The following SGK3 variants were observed in gnomAD, a reference collection of about 807,000 sequenced individuals.
The protein encoded by SGK3 is serum/glucocorticoid regulated kinase family member 3.
Under a neutral mutation model 68.5 loss-of-function variants are expected in SGK3, and 47 were observed. That is an observed-to-expected ratio of 0.69 (90% CI 0.54 to 0.87). The LOEUF (loss-of-function observed/expected upper bound fraction) is 0.87, where lower values mean the gene tolerates loss of function less well. Ranked by LOEUF, SGK3 falls within the 40% of genes least tolerant of loss-of-function variation. The pLI, the probability that SGK3 is intolerant of heterozygous loss-of-function variation, is 0.00. For missense variants in SGK3, 479 were observed against 575.5 expected, an observed-to-expected ratio of 0.83 and a Z score of 1.72; for synonymous variants, 181 against 189.1, an observed-to-expected ratio of 0.96 and a Z score of 0.35.
intron 5 of SGK3, among the ~76,000 whole-genome samples, chr8:66,817,072 T>C (rs1808617531): frequency 6.6e-6 from 1 of 151,024 alleles, no homozygotes; most frequent in African/African-American, 2.4e-5. Flanking sequence ...TCAGATGATC[T>C]GCCTCCCAAA....
chr8:66,781,674 A>T (rs753621985), intron 1 of SGK3, among the ~76,000 whole-genome samples: 5 of 152,242 alleles, frequency 3.3e-5, no homozygotes, highest in African/African-American at 4.8e-5. Flanking sequence ...TTGTTGGTGC[A>T]CAACACTCTT....
At chr8:66,821,160 G>T (rs888776000) in intron 5 of SGK3, among the ~76,000 whole-genome samples, 17 of 152,012 alleles carry the variant, frequency 1.1e-4, no homozygotes, top group African/African-American at 4.1e-4. Context: ...CCATCTGTGG[G>T]CCATCTCTAA....
chr8:66,797,086 T>G (rs575904202), intron 2 of SGK3, among the ~76,000 whole-genome samples: 2 of 152,214 alleles, frequency 1.3e-5, no homozygotes, highest in Non-Finnish European at 2.9e-5. Context: ...TTTATTTGTC[T>G]TCTGTAAATA....
At chr8:66,746,167 A>T (rs1342392323) in intron 1 of SGK3, among the ~76,000 whole-genome samples, 1 of 152,096 alleles carries the variant, frequency 6.6e-6, no homozygotes, top group African/African-American at 2.4e-5. Flanking sequence ...GATTCTGCAG[A>T]TTAGGTTAGC....
intron 14 of SGK3, among the ~76,000 whole-genome samples, chr8:66,845,852 C>T (rs921793809): frequency 2.0e-5 from 3 of 151,956 alleles, no homozygotes; most frequent in Admixed American, 2.0e-4. Flanking sequence ...GCCACTGTGC[C>T]TGGCGTCACT....
intron 2 of SGK3, among the ~76,000 whole-genome samples, chr8:66,796,423 C>T (rs1482715776): frequency 6.7e-6 from 1 of 148,162 alleles, no homozygotes; most frequent in African/African-American, 2.5e-5. Context: ...CCTCGGCCTC[C>T]CAAAGTGCTG....
At chr8:66,748,324 G>T (rs1056148045) in intron 1 of SGK3, among the ~76,000 whole-genome samples, 6 of 152,174 alleles carry the variant, frequency 3.9e-5, no homozygotes, top group African/African-American at 1.4e-4. Context: ...GGTTTCTAAA[G>T]AATTGATCCC....
chr8:66,760,673 A>C (rs1045875799), intron 1 of SGK3, among the ~76,000 whole-genome samples: 3 of 152,108 alleles, frequency 2.0e-5, no homozygotes, highest in Admixed American at 6.6e-5. Flanking sequence ...CAAATACTTA[A>C]GTTTGGCAAA....
intron 1 of SGK3, among the ~76,000 whole-genome samples, chr8:66,742,684 G>T (rs1805517062): frequency 6.6e-6 from 1 of 152,134 alleles, no homozygotes; most frequent in South Asian, 2.1e-4. Context: ...TTTAATTTAT[G>T]TAATTTTTAT....
At chr8:66,780,603 A>G (rs1234684084) in intron 1 of SGK3, among the ~76,000 whole-genome samples, 1 of 152,142 alleles carries the variant, frequency 6.6e-6, no homozygotes, top group Non-Finnish European at 1.5e-5. Context: ...ACGAGATGGG[A>G]GAGGGCTTGG....
At chr8:66,836,302 C>T (rs577675734) in intron 10 of SGK3, among the ~76,000 whole-genome samples, 1 of 152,146 alleles carries the variant, frequency 6.6e-6, no homozygotes, top group Admixed American at 6.6e-5. Flanking sequence ...AAGCTGCTGG[C>T]TTCATGGACA....
At chr8:66,780,468 T>G (rs576241118) in intron 1 of SGK3, among the ~76,000 whole-genome samples, 1 of 151,920 alleles carries the variant, frequency 6.6e-6, no homozygotes, top group Non-Finnish European at 1.5e-5. Flanking sequence ...TGAGGGAGGA[T>G]TAAGTTGGGG....
intron 1 of SGK3, among the ~76,000 whole-genome samples, chr8:66,716,924 G>A (rs1468695074): frequency 8.6e-5 from 13 of 152,032 alleles, no homozygotes; most frequent in Admixed American, 1.3e-4. Flanking sequence ...GGCCAGGCAC[G>A]GTGGCTCACA....
chr8:66,751,095 C>T (rs746046081), intron 1 of SGK3, among the ~76,000 whole-genome samples: 1 of 151,178 alleles, frequency 6.6e-6, no homozygotes, highest in Admixed American at 6.6e-5. Context: ...GTCAGGAGAT[C>T]GAGACCATCC....
At chr8:66,713,317 TATTA>T (rs2130306344) in intron 1 of SGK3, among the ~76,000 whole-genome samples, 1 of 152,352 alleles carries the variant, frequency 6.6e-6, no homozygotes, top group East Asian at 1.9e-4. Flanking sequence ...AATCTGGCCC[TATTA>T]ATTCTCACAG....
chr8:66,800,913 C>G (rs554981940), intron 3 of SGK3, among the ~76,000 whole-genome samples: 70 of 152,180 alleles, frequency 4.6e-4, no homozygotes, highest in African/African-American at 1.5e-3. Flanking sequence ...TGAGCCTGGG[C>G]GGTTGAGGCT....
chr8:66,840,825 C>G (rs761289071), intron 12 of SGK3, 199 bp from the exon 13 acceptor site: 6 of 329,322 alleles, frequency 1.8e-5, no homozygotes, highest in Non-Finnish European at 3.3e-5. Context: ...GCCTGTGGTC[C>G]CAGCTACTCA....
chr8:66,748,040 G>A lies in SGK3; in HGVS notation c.-122+35207G>A, dbSNP rs1805700985. Among the ~76,000 whole-genome samples, 2 of 152,066 alleles carry A rather than the reference G, an allele frequency of 1.3e-5. 1 individual carries two copies. Among genetic ancestry groups the A allele is most frequent in the South Asian group, 4.2e-4 (2 of 4,816 alleles). The stretch of plus-strand genomic sequence containing the variant: ...CATCTGTCCAATGGAGAGTTCATAA[G>A]GTTTTCCTTATTGGGATTACATGAG... On this transcript the variant is annotated intron_variant, in intron 1 of 16. Transcript: ENST00000521198.
In SGK3 at chr8:66,859,417, C is replaced by G. The variant is rs1447059041; in HGVS notation, c.1327C>G (p.Pro443Ala). The G allele has an allele frequency of 6.2e-7, 1 of 1,606,498 alleles. No homozygotes were observed. The highest frequency in any genetic ancestry group is 1.3e-5 in the African/African-American group (1 of 74,958). ...PPPFNPNVAG[P>A]DDIRNFDTAF... ...TGTGCTTTTGATGTTTTAGGCTGGA[C>G]CAGATGATATCAGAAACTTTGACAC... Residue 443 changes from proline to alanine, a missense_variant, in exon 17 of 17, where the codon CCA (proline) becomes GCA (alanine). Transcript: ENST00000521198.
Sources: allele counts gnomAD v4.1 joint callset (sites outside exome capture counted in the v4.1 genomes callset), GRCh38; gene constraint gnomAD v4.1.1; transcripts MANE v1.5; gene names NCBI Gene and HGNC (gene_info 2026-07-23, HGNC 2026-07-21).